The following MAP3K19 variants were observed in gnomAD, a reference collection of about 807,000 sequenced individuals.
MAP3K19 encodes the protein SPS1/STE20-related protein kinase YSK4.
In MAP3K19, 91 loss-of-function variants were observed where a neutral mutation model predicts 114.4. That is an observed-to-expected ratio of 0.80 (90% confidence interval 0.67 to 0.95). The LOEUF is 0.95. Among genes scored for constraint, MAP3K19 ranks in the 40% least tolerant of loss-of-function variants. MAP3K19 has a pLI of 0.00. For missense variants in MAP3K19, 1,471 were observed against 1,573.2 expected (o/e 0.94, Z 1.10); for synonymous variants, 518 against 530.5 (o/e 0.98, Z 0.32).
At chr2:135,045,379 A>G (rs1688722467) in intron 1 of MAP3K19, among the ~76,000 whole-genome samples, 1 of 152,200 alleles carries the variant, frequency 6.6e-6, no homozygotes, top group South Asian at 2.1e-4. Flanking sequence ...ACCAATACAC[A>G]CATCTGTCCC....
intron 12 of MAP3K19, among the ~76,000 whole-genome samples, chr2:134,979,639 C>A (rs919171060): frequency 1.2e-4 from 15 of 126,574 alleles, no homozygotes; most frequent in African/African-American, 2.1e-4. Flanking sequence ...CACATTTATG[C>A]GGTTTTTTTT....
chr2:135,007,505 A>G (rs1045996326), intron 5 of MAP3K19, among the ~76,000 whole-genome samples: 2 of 152,276 alleles, frequency 1.3e-5, no homozygotes, highest in African/African-American at 4.8e-5. Context: ...TGCTATCAGT[A>G]CTAGTTCTTA....
chr2:134,997,824 A>G (rs1208586547), intron 8 of MAP3K19, among the ~76,000 whole-genome samples: 1 of 151,786 alleles, frequency 6.6e-6, no homozygotes, highest in African/African-American at 2.4e-5. Context: ...TCTCAAAAAA[A>G]AAAAAACTTT....
At chr2:135,038,035 C>T (rs1688569110) in intron 2 of MAP3K19, among the ~76,000 whole-genome samples, 1 of 152,002 alleles carries the variant, frequency 6.6e-6, no homozygotes. Context: ...TGAGAGATGT[C>T]TGCGAGTGAA....
intron 6 of MAP3K19, among the ~76,000 whole-genome samples, chr2:135,004,264 G>A (rs1002425457): frequency 3.9e-5 from 6 of 152,208 alleles, no homozygotes; most frequent in Admixed American, 1.3e-4. Flanking sequence ...AGTCGAAGGA[G>A]GACTGCAAGG....
chr2:135,042,065 A>C (rs1052923099), intron 1 of MAP3K19, among the ~76,000 whole-genome samples: 1 of 152,202 alleles, frequency 6.6e-6, no homozygotes, highest in Admixed American at 6.5e-5. Flanking sequence ...TTCATTGACC[A>C]GTCCCAATAA....
intron 12 of MAP3K19, among the ~76,000 whole-genome samples, chr2:134,968,437 CGGGCAGAGGCGCCCCTCACCTCCCGGAT>C (rs1683562165): frequency 6.9e-6 from 1 of 144,766 alleles, no homozygotes; most frequent in African/African-American, 2.6e-5. Flanking sequence ...TAGGGGCGGC[CGGGCAGAGGCGCCCCTCACCTCCCGGAT>C]GGGGTGGCTG....
chr2:134,977,609 G>A (rs1168052896), intron 12 of MAP3K19, among the ~76,000 whole-genome samples: 5 of 151,850 alleles, frequency 3.3e-5, no homozygotes, highest in Admixed American at 6.6e-5. Context: ...TGATCCGCCC[G>A]CCTCGGCCTC....
chr2:135,005,333 T>G (rs1331778472), intron 6 of MAP3K19, 102 bp downstream of exon 6: 4 of 838,042 alleles, frequency 4.8e-6, no homozygotes, highest in Non-Finnish European at 8.0e-6. Flanking sequence ...TAGGCTCCAG[T>G]GTATGTTGTT....
intron 8 of MAP3K19, among the ~76,000 whole-genome samples, chr2:134,994,742 C>T (rs1345949851): frequency 6.6e-6 from 1 of 152,188 alleles, no homozygotes; most frequent in Non-Finnish European, 1.5e-5. Flanking sequence ...TCCACCTATT[C>T]AGCTCCTTTG....
chr2:135,010,196 G>A (rs1687123812), intron 5 of MAP3K19, among the ~76,000 whole-genome samples: 1 of 151,340 alleles, frequency 6.6e-6, no homozygotes, highest in Non-Finnish European at 1.5e-5. Flanking sequence ...AATAATAAAA[G>A]ATGTGTGATC....
chr2:135,007,992 T>A (rs997507531), intron 5 of MAP3K19, among the ~76,000 whole-genome samples: 1 of 152,256 alleles, frequency 6.6e-6, no homozygotes, highest in Admixed American at 6.5e-5. Context: ...TATAGTTGCA[T>A]CACATAATTT....
chr2:134,977,948 C>T (rs1014705722), intron 12 of MAP3K19, among the ~76,000 whole-genome samples: 5 of 152,078 alleles, frequency 3.3e-5, no homozygotes, highest in Non-Finnish European at 5.9e-5. Flanking sequence ...ATTTCTGTAG[C>T]GCTTGAAACA....
At chr2:135,018,509 A>G (rs529548995) in intron 5 of MAP3K19, among the ~76,000 whole-genome samples, 18 of 152,136 alleles carry the variant, frequency 1.2e-4, no homozygotes, top group Non-Finnish European at 2.4e-4. Context: ...GCTAATTTTT[A>G]AAAGTTCTTG....
At position 134,986,824 on chromosome 2, in the gene MAP3K19, G is replaced by C; in HGVS notation, c.2048C>G (p.Thr683Arg). 2 of 1,614,144 alleles carry C rather than the reference G, an allele frequency of 1.2e-6. No individual in the cohort carries two copies. Among genetic ancestry groups the C allele is most frequent in the Non-Finnish European group, 1.7e-6 (2 of 1,180,038 alleles). ...AGCCGAACATATCTCACGGTAATAC[G>C]TGTTTTCATCCCTTTCAGTCTCTCG... is the stretch of plus-strand genomic sequence containing the variant. ...HVRETERDEN[T>R]YYREICSAPS... Residue 683 changes from threonine (T) to arginine (R), a missense_variant, in exon 10 of 13, where the codon ACG becomes AGG. Transcript: ENST00000392915.
intron 2 of MAP3K19, among the ~76,000 whole-genome samples, chr2:135,034,363 AT>A (rs1397975897): frequency 1.6e-5 from 2 of 121,904 alleles, no homozygotes; most frequent in Non-Finnish European, 3.2e-5. Context: ...GTCCCAGACG[AT>A]GGGTGGCCAG....
chr2:134,968,886 G>A (rs973716371), intron 12 of MAP3K19, among the ~76,000 whole-genome samples: 1 of 150,292 alleles, frequency 6.7e-6, no homozygotes, highest in Non-Finnish European at 1.5e-5. Context: ...AGGCAGAGGG[G>A]CTCCTCACAT....
intron 12 of MAP3K19, among the ~76,000 whole-genome samples, chr2:134,978,775 ATTTCTGCAGAGC>A (rs1197922147): frequency 6.6e-6 from 1 of 152,154 alleles, no homozygotes; most frequent in Non-Finnish European, 1.5e-5. Flanking sequence ...CAAGCTCTGG[ATTTCTGCAGAGC>A]TTTCTAGTCT....
chr2:134,986,786 G>A lies in MAP3K19; in HGVS notation c.2086C>T (p.Arg696Cys), dbSNP rs56211316. ...GAAGATCGACATTTATTGGTGATACGTCTGCCTGATGGAGCCGAACATATC... is the reference window on the plus strand; with the variant it reads ...GAAGATCGACATTTATTGGTGATACATCTGCCTGATGGAGCCGAACATATC... ...REICSAPSGR[R>C]ITNKCRSSHS... The change falls in exon 10 of 13, where the codon CGT becomes TGT. Residue 696 changes from arginine (R) to cysteine (C), a missense_variant. By Grantham distance (180) the Arg-to-Cys change is radical. Transcript: ENST00000392915. The A allele has an allele frequency of 2.2e-3, 3,526 of 1,614,040 alleles. 31 individuals carry two copies. In the East Asian group the frequency reaches 0.026, roughly 12 times the overall value.
Sources: allele counts gnomAD v4.1 joint callset (sites outside exome capture counted in the v4.1 genomes callset), GRCh38; gene constraint gnomAD v4.1.1; transcripts MANE v1.5; gene names NCBI Gene and HGNC (gene_info 2026-07-23, HGNC 2026-07-21).